Variants in RNF19A observed in about 807,000 individuals in gnomAD.
RNF19A encodes the protein E3 ubiquitin-protein ligase RNF19A.
A neutral mutation model predicts 75.7 loss-of-function variants in RNF19A; 32 were observed. That is an observed-to-expected ratio of 0.42 (90% CI 0.32 to 0.57). The LOEUF (loss-of-function observed/expected upper bound fraction) is 0.57. Among genes scored for constraint, RNF19A ranks in the 20% least tolerant of loss-of-function variants. The probability of loss-of-function intolerance (pLI) is 0.10; values close to 1 mark genes in which losing one functional copy is unlikely to be tolerated. For synonymous variants in RNF19A, 335 were observed against 345.2 expected (o/e 0.97, Z 0.33); for missense variants, 782 against 1,036.3 (o/e 0.75, Z 3.37).
In RNF19A at chr8:100,287,939, C is replaced by T. The variant is rs773648955; in HGVS notation, c.236G>A (p.Arg79His). The change falls in exon 2 of 10, where the codon CGT becomes CAT. Residue 79 changes from arginine to histidine, a missense_variant. Coordinates refer to ENST00000341084, the MANE Select transcript of RNF19A (RefSeq NM_183419.4). The surrounding 1 kb of genome is among the most constrained non-coding windows in gnomAD (Gnocchi z 4.1). Reference sequence around the variant, plus strand: ...CCCGCCATTTAGCTCCCTTGATTTACGTTTGTTATCTTTTTTCCTCCGAAA... The same window carrying T: ...CCCGCCATTTAGCTCCCTTGATTTATGTTTGTTATCTTTTTTCCTCCGAAA... The part of the protein sequence containing the change: ...SLFRRKKDNK[R>H]KSRELNGGVD... 33 of 1,613,994 alleles carry T rather than the reference C, an allele frequency of 2.0e-5. No individual in the cohort carries two copies. The highest frequency in any genetic ancestry group is 3.3e-5 in the Admixed American group (2 of 59,996).
chr8:100,310,760 A>G (rs953833086), upstream of RNF19A, among the ~76,000 whole-genome samples: 4 of 150,320 alleles, frequency 2.7e-5, no homozygotes, highest in Admixed American at 1.3e-4. Flanking sequence ...CTTTTATTTC[A>G]TTTTTTTTTT....
At chr8:100,327,498 G>A (rs111548832) in intron 1 of RNF19A, among the ~76,000 whole-genome samples, 19 of 152,084 alleles carry the variant, frequency 1.2e-4, no homozygotes, top group African/African-American at 3.6e-4. Context: ...TGATGTTCCC[G>A]CCTCGGCCTC....
chr8:100,301,160 C>T (rs1487391993), intron 1 of RNF19A, among the ~76,000 whole-genome samples: 1 of 152,212 alleles, frequency 6.6e-6, no homozygotes, highest in Non-Finnish European at 1.5e-5. Flanking sequence ...TGCTCTACAA[C>T]CATAGGTTGC....
intron 1 of RNF19A, among the ~76,000 whole-genome samples, chr8:100,298,991 C>A (rs1821701035): frequency 6.6e-6 from 1 of 152,138 alleles, no homozygotes; most frequent in Non-Finnish European, 1.5e-5. Flanking sequence ...ACCTAGCTGT[C>A]AAAAATTTCC....
chr8:100,327,132 T>C (rs1166155719), intron 1 of RNF19A, among the ~76,000 whole-genome samples: 1 of 152,218 alleles, frequency 6.6e-6, no homozygotes, highest in Non-Finnish European at 1.5e-5. Flanking sequence ...TTTTTAATCT[T>C]AGCCTCGCTA....
At chr8:100,310,344 G>A, upstream of RNF19A, 1 of 704,320 alleles carries the variant, frequency 1.4e-6, no homozygotes, top group Non-Finnish European at 1.7e-6. Context: ...GTCCCTGGCG[G>A]AGGGGACTTC....
At chr8:100,289,921 A>C (rs1209939524) in intron 1 of RNF19A, among the ~76,000 whole-genome samples, 2 of 152,226 alleles carry the variant, frequency 1.3e-5, no homozygotes, top group East Asian at 3.8e-4. Context: ...ATGAATACAT[A>C]ATTTGTGGTA....
intron 5 of RNF19A, among the ~76,000 whole-genome samples, chr8:100,266,138 A>T (rs1167178175): frequency 6.6e-6 from 1 of 152,208 alleles, no homozygotes; most frequent in African/African-American, 2.4e-5. Context: ...TTTTCTGTTT[A>T]CTATTTTTTG....
chr8:100,264,336 A>T lies in RNF19A; in HGVS notation c.1307-141T>A, dbSNP rs1022525241. On this transcript the variant is annotated intron_variant, in intron 6 of 9. Transcript: ENST00000341084. The surrounding 1 kb of genome is among the most constrained non-coding windows in gnomAD (Gnocchi z 4.7). Reference sequence around the variant, plus strand: ...AAGAGTTGGCTGGAACATTTGCCAAAAGTAGATTTACCCAGTTGTTAAGCA... The same window carrying T: ...AAGAGTTGGCTGGAACATTTGCCAATAGTAGATTTACCCAGTTGTTAAGCA... 3.1e-5 allele frequency: 22 copies of T among 720,522 alleles called. No individual in the cohort carries two copies. The highest frequency in any genetic ancestry group is 5.9e-4 in the Middle Eastern group (2 of 3,394). 44.6% of individuals were successfully genotyped at this position (720,522 alleles called of 1,614,324 possible).
Position 100,264,859 on chromosome 8 carries a change from T to C in RNF19A, c.1192-74A>G. ...CAATTTAACTTAGTTGAAAAAGATC[T>C]ATACTTGCTAAAGTGATTTTTCATA... On this transcript the variant is annotated intron_variant, in intron 5 of 9. Coordinates refer to ENST00000341084, the MANE Select transcript of RNF19A (RefSeq NM_183419.4). This position sits in a 1 kb window ranked among gnomAD's most constrained non-coding sequence, Gnocchi z 4.7. 2 of 1,121,050 alleles carry C rather than the reference T, an allele frequency of 1.8e-6. No individual in the cohort carries two copies. Among genetic ancestry groups the C allele is most frequent in the Non-Finnish European group, 2.7e-6 (2 of 747,080 alleles). 69.4% of individuals were successfully genotyped at this position (1,121,050 alleles called of 1,614,324 possible). A position where few individuals can be genotyped will look rare whatever the true frequency, so the allele number is the denominator to read the frequency against.
chr8:100,335,509 A>G (rs1455691181), intron 1 of RNF19A, among the ~76,000 whole-genome samples: 1 of 152,264 alleles, frequency 6.6e-6, no homozygotes, highest in Non-Finnish European at 1.5e-5. Context: ...GCTGTCCCAA[A>G]TATGAGTACA....
chr8:100,328,723 G>A (rs1212161626), intron 1 of RNF19A, among the ~76,000 whole-genome samples: 1 of 152,130 alleles, frequency 6.6e-6, no homozygotes, highest in African/African-American at 2.4e-5. Flanking sequence ...ACCCCCATCA[G>A]CCTCCCAAAG....
chr8:100,310,293 C>A (rs1371628291), upstream of RNF19A: 4 of 964,264 alleles, frequency 4.1e-6, no homozygotes, highest in African/African-American at 7.0e-5. Context: ...CAGGAGCCGC[C>A]CCGCTGCACC....
At chr8:100,313,384 G>T, upstream of RNF19A, 1 of 896,834 alleles carries the variant, frequency 1.1e-6, no homozygotes, top group Non-Finnish European at 1.3e-6. Flanking sequence ...TATAAGACAA[G>T]AAGAAGGCAA....
rs980042749 is a variant in RNF19A, at chr8:100,259,415, T to C, written c.1827-169A>G. 6.2e-5 allele frequency: 38 copies of C among 608,386 alleles called. No homozygotes were observed. The highest frequency in any genetic ancestry group is 1.0e-4 in the Non-Finnish European group (35 of 348,334). 37.7% of individuals were successfully genotyped at this position (608,386 alleles called of 1,614,324 possible). A position where few individuals can be genotyped will look rare whatever the true frequency, so the allele number is the denominator to read the frequency against. On this transcript the variant is annotated intron_variant, in intron 9 of 9. Transcript: ENST00000341084. The surrounding 1 kb of genome is among the most constrained non-coding windows in gnomAD (Gnocchi z 4.5). The stretch of plus-strand genomic sequence containing the variant: ...ACATACTTGATATAACAGAACTCTT[T>C]ATAATGCTTCAATGTTTTAAAATAG...
intron 1 of RNF19A, among the ~76,000 whole-genome samples, chr8:100,298,229 G>T (rs973944975): frequency 6.6e-6 from 1 of 150,398 alleles, no homozygotes; most frequent in Non-Finnish European, 1.5e-5. Context: ...TTACACATTA[G>T]GTTAGAAATA....
In RNF19A at chr8:100,261,792, G is replaced by A; in HGVS notation, c.1469-37C>T. 6.3e-7 allele frequency: 1 copy of A among 1,586,572 alleles called. No homozygotes were observed. The highest frequency in any genetic ancestry group is 8.7e-7 in the Non-Finnish European group (1 of 1,154,988). ...TATTCCAAAGAAACTAAGTAAGTAT[G>A]ATTATCAATTTTCTCCTTCTTAAAT... is the stretch of plus-strand genomic sequence containing the variant. On this transcript the variant is annotated intron_variant, in intron 7 of 9. Coordinates refer to ENST00000341084, the MANE Select transcript of RNF19A (RefSeq NM_183419.4). The surrounding 1 kb of genome is among the most constrained non-coding windows in gnomAD (Gnocchi z 4.4).
intron 1 of RNF19A, among the ~76,000 whole-genome samples, chr8:100,299,233 G>A (rs1326298210): frequency 6.6e-6 from 1 of 152,118 alleles, no homozygotes; most frequent in East Asian, 1.9e-4. Context: ...AGTTCCAAAA[G>A]ACTATGATAA....
chr8:100,270,074 C>T, intron 3 of RNF19A, 61 bp from the exon 4 acceptor site: 1 of 1,363,984 alleles, frequency 7.3e-7, no homozygotes, highest in Non-Finnish European at 9.7e-7. Flanking sequence ...TAACTTCTAG[C>T]AGTTTACCAA....
Sources: allele counts gnomAD v4.1 joint callset (sites outside exome capture counted in the v4.1 genomes callset), GRCh38; gene constraint gnomAD v4.1.1; non-coding constraint Gnocchi (gnomAD v3.1); transcripts MANE v1.5; gene names NCBI Gene and HGNC (gene_info 2026-07-23, HGNC 2026-07-21).